Variants in ANGPT1 observed in about 807,000 individuals in gnomAD.
The protein encoded by ANGPT1 is angiopoietin-1.
ANGPT1 carries 17 observed loss-of-function variants against 62.2 expected under a neutral mutation model. The observed-to-expected ratio is 0.27, with a 90% CI of 0.19 to 0.41. ANGPT1 has a LOEUF of 0.41. ANGPT1 is among the 10% of genes least tolerant of loss of function. The pLI is 1.00. For synonymous variants in ANGPT1, 199 were observed against 198.9 expected (o/e 1.00, Z 0.00); for missense variants, 478 against 594.9 (o/e 0.80, Z 2.04).
At chr8:107,374,041 A>G (rs892245) in intron 1 of ANGPT1, among the ~76,000 whole-genome samples, 113,368 of 152,144 alleles carry the variant, frequency 0.75, 43,102 homozygotes, top group East Asian at 0.87. Context: ...CTCTAAGAAT[A>G]TTGACCTTAA....
chr8:107,301,577 CTTCT>C (rs1479102310), intron 5 of ANGPT1, among the ~76,000 whole-genome samples: 1 of 151,822 alleles, frequency 6.6e-6, no homozygotes, highest in Non-Finnish European at 1.5e-5. Flanking sequence ...CATTTGTTTG[CTTCT>C]TTAAGCCATG....
At chr8:107,471,120 C>T (rs975231040) in intron 1 of ANGPT1, among the ~76,000 whole-genome samples, 1 of 152,006 alleles carries the variant, frequency 6.6e-6, no homozygotes, top group African/African-American at 2.4e-5. Context: ...GCACTGTTTG[C>T]AATAGCAAAG....
chr8:107,426,315 G>C (rs549135020), intron 1 of ANGPT1, among the ~76,000 whole-genome samples: 1 of 152,290 alleles, frequency 6.6e-6, no homozygotes, highest in East Asian at 1.9e-4. Context: ...CCCAGTACCA[G>C]GAAAGGTTTC....
intron 1 of ANGPT1, among the ~76,000 whole-genome samples, chr8:107,395,861 C>G (rs1008330888): frequency 6.6e-6 from 1 of 152,074 alleles, no homozygotes; most frequent in South Asian, 2.1e-4. Context: ...TCATTGAATG[C>G]CCAGAGCTAG....
At chr8:107,386,133 TG>T in intron 1 of ANGPT1, among the ~76,000 whole-genome samples, 1 of 152,198 alleles carries the variant, frequency 6.6e-6, no homozygotes, top group South Asian at 2.1e-4. Context: ...CTAGGTTAGT[TG>T]ATGCAGGAAC....
intron 8 of ANGPT1, 150 bp from the exon 9 acceptor site, chr8:107,252,165 C>T: frequency 1.3e-6 from 1 of 785,438 alleles, no homozygotes; most frequent in Non-Finnish European, 2.0e-6. Context: ...AAATATATTC[C>T]CAGTAGTGAA....
chr8:107,476,365 CAT>C (rs1299831950), intron 1 of ANGPT1, among the ~76,000 whole-genome samples: 2 of 152,056 alleles, frequency 1.3e-5, no homozygotes, highest in East Asian at 1.9e-4. Flanking sequence ...TATTCTCACT[CAT>C]AGGTGGGAAA....
intron 1 of ANGPT1, among the ~76,000 whole-genome samples, chr8:107,429,646 AG>A (rs1376493012): frequency 1.6e-3 from 99 of 61,280 alleles, no homozygotes; most frequent in Non-Finnish European, 2.8e-3. Flanking sequence ...GAGCTCCAGG[AG>A]GAAAAAAAAA....
intron 4 of ANGPT1, among the ~76,000 whole-genome samples, chr8:107,315,529 A>G (rs1282168676): frequency 2.6e-5 from 4 of 152,122 alleles, no homozygotes. Context: ...CTTGACTGTC[A>G]TGCTTACTTG....
At chr8:107,267,877 CTT>C (rs1307465585) in intron 7 of ANGPT1, among the ~76,000 whole-genome samples, 2 of 151,980 alleles carry the variant, frequency 1.3e-5, no homozygotes, top group Non-Finnish European at 2.9e-5. Flanking sequence ...AAGCAACACT[CTT>C]ATTTCTCCAT....
At chr8:107,439,896 A>G (rs1811428216) in intron 1 of ANGPT1, among the ~76,000 whole-genome samples, 1 of 152,160 alleles carries the variant, frequency 6.6e-6, no homozygotes, top group African/African-American at 2.4e-5. Flanking sequence ...GGAAGAAAAA[A>G]CACTGAGTAG....
At chr8:107,363,661 A>G (rs890822757) in intron 1 of ANGPT1, among the ~76,000 whole-genome samples, 1 of 152,216 alleles carries the variant, frequency 6.6e-6, no homozygotes, top group Non-Finnish European at 1.5e-5. Context: ...AATCATAAAT[A>G]TACCTAAATT....
chr8:107,461,313 T>A (rs1812065889), intron 1 of ANGPT1, among the ~76,000 whole-genome samples: 1 of 152,154 alleles, frequency 6.6e-6, no homozygotes, highest in Non-Finnish European at 1.5e-5. Context: ...AAAAGGTACT[T>A]ATGCTATTAA....
intron 1 of ANGPT1, among the ~76,000 whole-genome samples, chr8:107,426,207 G>A (rs550107884): frequency 6.6e-6 from 1 of 152,228 alleles, no homozygotes; most frequent in South Asian, 2.1e-4. Flanking sequence ...GCGCGTGAGG[G>A]ATCCTGAAGG....
chr8:107,261,269 C>T (rs1158113613), intron 8 of ANGPT1, among the ~76,000 whole-genome samples: 1 of 37,766 alleles, frequency 2.6e-5, no homozygotes, highest in Non-Finnish European at 6.1e-5. Flanking sequence ...CTTGTGTGTA[C>T]CATTTAAAAA....
chr8:107,466,283 A>G (rs1218073868), intron 1 of ANGPT1, among the ~76,000 whole-genome samples: 1 of 152,072 alleles, frequency 6.6e-6, no homozygotes, highest in Non-Finnish European at 1.5e-5. Context: ...CCCCCTTTCT[A>G]TCTCAAAAAT....
intron 1 of ANGPT1, among the ~76,000 whole-genome samples, chr8:107,450,953 AC>A (rs1811762490): frequency 6.6e-6 from 1 of 151,788 alleles, no homozygotes; most frequent in African/African-American, 2.4e-5. Flanking sequence ...GCAATGTATG[AC>A]TGCCTTCTAC....
At chr8:107,347,173 A>T in intron 1 of ANGPT1, 76 bp from the exon 2 acceptor site, 1 of 1,418,178 alleles carries the variant, frequency 7.1e-7, no homozygotes, top group Non-Finnish European at 9.6e-7. Context: ...ATTTACAATA[A>T]CAAAACAAGA....
intron 1 of ANGPT1, among the ~76,000 whole-genome samples, chr8:107,356,612 C>G (rs1318907505): frequency 6.6e-6 from 1 of 152,108 alleles, no homozygotes; most frequent in African/African-American, 2.4e-5. Context: ...AGAGTTAGAG[C>G]TTATATCTGA....
Sources: gnomAD v4.1 joint callset for allele counts (sites outside exome capture counted in the v4.1 genomes callset) on GRCh38, gnomAD v4.1.1 for gene constraint, MANE v1.5 for transcripts, NCBI Gene and HGNC (gene_info 2026-07-23, HGNC 2026-07-21) for gene names.